Variants in FBXW11 observed in about 807,000 individuals in gnomAD.
FBXW11 encodes the protein F-box and WD repeat domain containing 11, also known as F-box/WD repeat-containing protein 11.
Under a neutral mutation model 77.6 loss-of-function variants are expected in FBXW11, and 19 were observed. The ratio of observed to expected loss-of-function variants is 0.24; its 90% confidence interval spans 0.17 to 0.36. The LOEUF is 0.36. Ranked by LOEUF, FBXW11 falls within the 10% of genes least tolerant of loss-of-function variation. The pLI, the probability that FBXW11 is intolerant of heterozygous loss-of-function variation, is 1.00. For synonymous variants in FBXW11, 235 were observed against 249.4 expected (o/e 0.94, Z 0.54); for missense variants, 334 against 704.2 (o/e 0.47, Z 5.95).
chr5:171,998,722 G>C (rs552565655), intron 1 of FBXW11, among the ~76,000 whole-genome samples: 4 of 150,444 alleles, frequency 2.7e-5, no homozygotes, highest in Admixed American at 6.6e-5. Flanking sequence ...ACTTGAACCC[G>C]GGAGACAGAG....
chr5:171,866,069 A>G (rs562174727), intron 13 of FBXW11, among the ~76,000 whole-genome samples: 1 of 152,214 alleles, frequency 6.6e-6, no homozygotes, highest in Non-Finnish European at 1.5e-5. Flanking sequence ...GTTCGAGACC[A>G]GCCTGGCCAA....
In FBXW11 at chr5:171,893,421, C is replaced by CAAAAAAAAAAAACAA. The variant is rs757678376; in HGVS notation, c.715-1818_715-1817insTTGTTTTTTTTTTTT. On this transcript the variant is annotated intron_variant, in intron 6 of 13. Coordinates refer to ENST00000517395, the MANE Select transcript of FBXW11 (RefSeq NM_001378974.1). ...GACATACAAAAGCACACTTCAAAAC[C>CAAAAAAAAAAAACAA]AAAAAAAAAAAAAAAAAAAAAAAAA... 9.5e-4 allele frequency among the ~76,000 whole-genome samples: 38 copies of CAAAAAAAAAAAACAA among 39,854 alleles called. 6 individuals carry two copies. The highest frequency in any genetic ancestry group is 1.6e-3 in the Non-Finnish European group (35 of 22,468). 26.1% of individuals were successfully genotyped at this position (39,854 alleles called of 152,430 possible). A position where few individuals can be genotyped will look rare whatever the true frequency, so the allele number is the denominator to read the frequency against.
intron 2 of FBXW11, among the ~76,000 whole-genome samples, chr5:171,938,762 T>C (rs998099663): frequency 5.9e-5 from 9 of 152,140 alleles, no homozygotes; most frequent in African/African-American, 2.4e-5. Context: ...TACATGCTCA[T>C]ACGAAAGACA....
chr5:171,910,749 C>T lies in FBXW11; in HGVS notation c.259G>A (p.Glu87Lys). The stretch of plus-strand genomic sequence containing the variant: ...TCTTTTTCTTTTTGATAGTTTCCTT[C>T]TGATGGCCTCTTTCTGGAGACGATC... ...SVIVSRKRPSEGNYQKEKDLC... is the reference protein window; with the variant it reads ...SVIVSRKRPSKGNYQKEKDLC... Residue 87 changes from glutamate to lysine, a missense_variant, in exon 4 of 14, where the codon GAA (glutamate) becomes AAA (lysine). By Grantham distance (56) the Glu-to-Lys change is moderately conservative. This residue lies in a region of FBXW11 where 80 missense variants were observed against 105.1 expected (regional missense o/e 0.76). Coordinates refer to ENST00000517395, the MANE Select transcript of FBXW11 (RefSeq NM_001378974.1). 6.2e-7 allele frequency: 1 copy of T among 1,613,282 alleles called. No homozygotes were observed. Among genetic ancestry groups the T allele is most frequent in the Non-Finnish European group, 8.5e-7 (1 of 1,179,694 alleles).
chr5:171,865,990 C>T (rs184399022), intron 13 of FBXW11, among the ~76,000 whole-genome samples: 20 of 152,220 alleles, frequency 1.3e-4, no homozygotes, highest in Non-Finnish European at 2.5e-4. Flanking sequence ...TGGGGCCGCA[C>T]GCGGTGGCTC....
rs528496710 is a variant in FBXW11 at position 171,897,005 on chromosome 5, G to A, written c.714+1999C>T. 1.2e-4 allele frequency among the ~76,000 whole-genome samples: 18 copies of A among 152,254 alleles called. No individual in the cohort carries two copies. The South Asian group carries it at 3.5e-3, about 30-fold the overall frequency. ...GTAAAAAAAAATCTATTTTGAGGTGGTAGCAGTGGTCTATTGTTAAAAACT... is the reference window on the plus strand; with the variant it reads ...GTAAAAAAAAATCTATTTTGAGGTGATAGCAGTGGTCTATTGTTAAAAACT... On this transcript the variant is annotated intron_variant, in intron 6 of 13. Transcript: ENST00000517395.
At chr5:171,959,262 T>C (rs1198660817) in intron 1 of FBXW11, among the ~76,000 whole-genome samples, 1 of 151,988 alleles carries the variant, frequency 6.6e-6, no homozygotes, top group African/African-American at 2.4e-5. Flanking sequence ...AAACTCCAGG[T>C]ACACAAATTT....
At chr5:171,874,751 AC>A (rs1228673894) in intron 9 of FBXW11, among the ~76,000 whole-genome samples, 8 of 138,894 alleles carry the variant, frequency 5.8e-5, no homozygotes, top group African/African-American at 1.7e-4. Context: ...CCTGGTCTCT[AC>A]AAAAAAAAAA....
At chr5:171,867,808 G>A (rs745641152) in intron 13 of FBXW11, 18 of 152,146 alleles carry the variant, frequency 1.2e-4, no homozygotes, top group Non-Finnish European at 2.5e-4. Flanking sequence ...AATCACAACA[G>A]TCTTTATATA....
At chr5:171,953,154 T>C (rs892584897) in intron 2 of FBXW11, among the ~76,000 whole-genome samples, 2 of 152,122 alleles carry the variant, frequency 1.3e-5, no homozygotes, top group African/African-American at 4.8e-5. Context: ...TTTTGTTTTG[T>C]AGAGACAAAA....
chr5:171,994,642 T>C (rs186815489), intron 1 of FBXW11, among the ~76,000 whole-genome samples: 90 of 152,296 alleles, frequency 5.9e-4, no homozygotes, highest in Non-Finnish European at 1.0e-3. Context: ...ATATCTAGAA[T>C]CATGCTCAAT....
chr5:171,913,101 T>C (rs148253204), intron 3 of FBXW11, among the ~76,000 whole-genome samples: 6 of 152,254 alleles, frequency 3.9e-5, no homozygotes, highest in South Asian at 4.1e-4. Context: ...AAAAAAACTA[T>C]GTATGCTTTC....
chr5:171,943,665 G>A (rs1466714279), intron 2 of FBXW11, among the ~76,000 whole-genome samples: 1 of 152,156 alleles, frequency 6.6e-6, no homozygotes, highest in African/African-American at 2.4e-5. Context: ...CGGACAGGAT[G>A]GTCTCAATCT....
chr5:172,000,616 C>T, intron 1 of FBXW11, among the ~76,000 whole-genome samples: 1 of 152,312 alleles, frequency 6.6e-6, no homozygotes, highest in Non-Finnish European at 1.5e-5. Context: ...TCGGTCTTGA[C>T]TTCGCTTTAG....
intron 2 of FBXW11, among the ~76,000 whole-genome samples, chr5:171,918,924 G>A (rs1282709255): frequency 6.6e-6 from 1 of 152,164 alleles, no homozygotes; most frequent in Non-Finnish European, 1.5e-5. Flanking sequence ...GTGCTCTAGG[G>A]ATGTGGGCTC....
At chr5:171,980,877 T>G (rs1036275223) in intron 1 of FBXW11, among the ~76,000 whole-genome samples, 1 of 152,196 alleles carries the variant, frequency 6.6e-6, no homozygotes, top group African/African-American at 2.4e-5. Flanking sequence ...TGGAATTGCC[T>G]GAGTGATAGT....
intron 1 of FBXW11, among the ~76,000 whole-genome samples, chr5:171,988,716 G>A (rs185971453): frequency 1.3e-5 from 2 of 151,956 alleles, no homozygotes; most frequent in African/African-American, 4.8e-5. Flanking sequence ...ATGGTGGCAG[G>A]TGCCTGTAAT....
intron 1 of FBXW11, among the ~76,000 whole-genome samples, chr5:171,981,915 G>C (rs1035376820): frequency 1.3e-5 from 2 of 152,186 alleles, no homozygotes; most frequent in African/African-American, 4.8e-5. Context: ...ACATAATAGA[G>C]TGCATACAGT....
chr5:171,873,912 A>G (rs899401186), intron 9 of FBXW11, among the ~76,000 whole-genome samples: 10 of 152,214 alleles, frequency 6.6e-5, no homozygotes, highest in Non-Finnish European at 1.3e-4. Context: ...CCACAAGTAA[A>G]AGAATGGCAC....
Sources: allele counts gnomAD v4.1 joint callset (sites outside exome capture counted in the v4.1 genomes callset), GRCh38; gene constraint gnomAD v4.1.1; regional missense constraint gnomAD v4.1.1; transcripts MANE v1.5; gene names NCBI Gene and HGNC (gene_info 2026-07-23, HGNC 2026-07-21).